The following CASK variants were observed in gnomAD, a reference collection of about 807,000 sequenced individuals.
CASK encodes peripheral plasma membrane protein CASK.
In CASK, 4 loss-of-function variants were observed where a neutral mutation model predicts 82.9. The observed-to-expected ratio is 0.05, with a 90% CI of 0.02 to 0.11. The LOEUF (loss-of-function observed/expected upper bound fraction) is 0.11. Among genes scored for constraint, CASK ranks in the 10% least tolerant of loss-of-function variants. The probability of loss-of-function intolerance (pLI) is 1.00; values close to 1 mark genes in which losing one functional copy is unlikely to be tolerated. For missense variants in CASK, 358 were observed against 720.9 expected (o/e 0.50, Z 5.76); for synonymous variants, 259 against 253.5 (o/e 1.02, Z -0.20).
chrX:41,728,830 G>A (rs1238802593), intron 5 of CASK: 2 of 123,489 alleles, frequency 1.6e-5, no homozygotes, highest in South Asian at 7.4e-4. Flanking sequence ...GAATAATACA[G>A]TGAAAAAAAT....
At chrX:41,647,597 G>A (rs1026068448) in intron 8 of CASK, among the ~76,000 whole-genome samples, 1 of 111,563 alleles carries the variant, frequency 9.0e-6, no homozygotes, top group African/African-American at 3.3e-5. Flanking sequence ...CATCGCCATG[G>A]CACATTTATA....
intron 10 of CASK, among the ~76,000 whole-genome samples, chrX:41,626,104 G>A (rs765300473): frequency 6.4e-5 from 7 of 109,630 alleles, no homozygotes; most frequent in African/African-American, 2.3e-4. Context: ...ATGCCTGGCC[G>A]TGTTATAGAT....
intron 15 of CASK, among the ~76,000 whole-genome samples, chrX:41,570,010 CTTTTTTTTT>C (rs397937722): frequency 1.4e-5 from 1 of 70,628 alleles, no homozygotes; most frequent in Non-Finnish European, 2.6e-5. Context: ...TTTCTTTTTT[CTTTTTTTTT>C]TTTTTTTTTT....
chrX:41,911,149 G>A (rs2072557859), intron 1 of CASK, among the ~76,000 whole-genome samples: 1 of 111,547 alleles, frequency 9.0e-6, no homozygotes, highest in Admixed American at 9.6e-5. Flanking sequence ...TAAAAAGATA[G>A]TCTCAAATTT....
At chrX:41,558,870 C>A (rs901715222) in intron 18 of CASK, 1 of 111,784 alleles carries the variant, frequency 8.9e-6, no homozygotes, top group Non-Finnish European at 1.9e-5. Context: ...AGAAGTATTA[C>A]AATTCTCTCT....
In CASK at chrX:41,561,845, GCA is replaced by G. The variant is rs775029539; in HGVS notation, c.1583-203_1583-202del. 9 of 396,708 alleles carry G rather than the reference GCA, an allele frequency of 2.3e-5. No homozygotes were observed. In the Admixed American group the frequency reaches 2.7e-4, roughly 12 times the overall value. 32.7% of individuals were successfully genotyped at this position (396,708 alleles called of 1,213,427 possible). A position where few individuals can be genotyped will look rare whatever the true frequency, so the allele number is the denominator to read the frequency against. The stretch of plus-strand genomic sequence containing the variant: ...AAACAGATATATCTACTTGTGGAAG[GCA>G]CAGTTTTGATGGATGGCTGCAGAAA... On this transcript the variant is annotated intron_variant, in intron 16 of 26. Coordinates refer to ENST00000378163, the MANE Select transcript of CASK (RefSeq NM_001367721.1).
At chrX:41,645,024 T>C (rs1475881539) in intron 8 of CASK, among the ~76,000 whole-genome samples, 1 of 111,628 alleles carries the variant, frequency 9.0e-6, no homozygotes, top group Admixed American at 9.6e-5. Flanking sequence ...ACTTGCCTTG[T>C]AATATTCTAT....
intron 3 of CASK, among the ~76,000 whole-genome samples, chrX:41,783,984 G>A (rs974062522): frequency 9.8e-5 from 11 of 112,242 alleles, no homozygotes; most frequent in African/African-American, 2.9e-4. Flanking sequence ...TAGGCCAGTG[G>A]TCTTCAACCT....
In CASK at chrX:41,626,622, C is replaced by T. The variant is rs1361659361; in HGVS notation, c.997G>A (p.Glu333Lys). ...DPPEELPDFS[E>K]DPTSSGLLAA... ...CAATTACCTGAGGAGGTAGGGTCTT[C>T]GGAGAAATCTGGTAACTCTTCAGGG... is the stretch of plus-strand genomic sequence containing the variant. Residue 333 changes from glutamate to lysine, a missense_variant, in exon 10 of 27, where the codon GAA becomes AAA. Around this residue, in one of 5 missense-constraint regions of CASK, gnomAD observed 110 missense variants for 218.8 expected, o/e 0.50. Transcript: ENST00000378163. 17 of 1,193,176 alleles carry T rather than the reference C, an allele frequency of 1.4e-5. No individual in the cohort carries two copies. The highest frequency in any genetic ancestry group is 1.8e-5 in the African/African-American group (1 of 57,073).
At chrX:41,641,144 C>A (rs756542615) in intron 8 of CASK, among the ~76,000 whole-genome samples, 1 of 109,996 alleles carries the variant, frequency 9.1e-6, no homozygotes, top group Non-Finnish European at 1.9e-5. Context: ...CGCTATCACG[C>A]CCGGCTAATT....
chrX:41,612,588 C>G (rs1316086386), intron 11 of CASK, among the ~76,000 whole-genome samples: 1 of 91,832 alleles, frequency 1.1e-5, no homozygotes, highest in Non-Finnish European at 2.2e-5. Context: ...CGCCTCTGCC[C>G]AGCCGCCCCT....
At chrX:41,825,644 ATG>A (rs1282767420) in intron 2 of CASK, among the ~76,000 whole-genome samples, 1 of 112,070 alleles carries the variant, frequency 8.9e-6, no homozygotes, top group African/African-American at 3.2e-5. Context: ...CAATTTTATG[ATG>A]TGTTTCAGGA....
chrX:41,555,895 C>A, intron 19 of CASK: 6 of 259,690 alleles, frequency 2.3e-5, no homozygotes, highest in Admixed American at 6.2e-5. Flanking sequence ...GCATCTTCAA[C>A]ACAAAAGCCA....
chrX:41,811,211 T>G (rs984696565), intron 2 of CASK, among the ~76,000 whole-genome samples: 1 of 111,748 alleles, frequency 8.9e-6, no homozygotes, highest in African/African-American at 3.3e-5. Context: ...GGAATTGAAC[T>G]CAGCTCTGCA....
intron 2 of CASK, among the ~76,000 whole-genome samples, chrX:41,797,618 A>G (rs1014368686): frequency 9.8e-5 from 11 of 111,853 alleles, no homozygotes; most frequent in Non-Finnish European, 1.7e-4. Context: ...AGAATGTTAG[A>G]AACAGAAGTG....
chrX:41,582,410 C>A (rs1261920808), intron 14 of CASK, among the ~76,000 whole-genome samples: 3 of 111,445 alleles, frequency 2.7e-5, no homozygotes, highest in Non-Finnish European at 5.7e-5. Flanking sequence ...CTGCCTCCTG[C>A]GTTCAAGAGA....
intron 1 of CASK, among the ~76,000 whole-genome samples, chrX:41,907,606 T>C (rs2072489990): frequency 9.0e-6 from 1 of 111,582 alleles, no homozygotes; most frequent in African/African-American, 3.3e-5. Context: ...CATTCTAAGA[T>C]TGCCCGAAAT....
At chrX:41,727,655 T>C (rs774156847) in intron 5 of CASK, 4 of 1,209,573 alleles carry the variant, frequency 3.3e-6, no homozygotes, top group East Asian at 5.9e-5. Flanking sequence ...ACCACATTTA[T>C]TGGATTTTCC....
intron 12 of CASK, among the ~76,000 whole-genome samples, chrX:41,601,180 T>C (rs900351287): frequency 9.0e-6 from 1 of 111,377 alleles, no homozygotes; most frequent in Non-Finnish European, 1.9e-5. Flanking sequence ...TGGATAGTGA[T>C]GATGGTTGTA....
Sources: gnomAD v4.1 joint callset for allele counts (sites outside exome capture counted in the v4.1 genomes callset) on GRCh38, gnomAD v4.1.1 for gene constraint, gnomAD v4.1.1 regional missense constraint, MANE v1.5 for transcripts, NCBI Gene and HGNC (gene_info 2026-07-23, HGNC 2026-07-21) for gene names.